Variants in ADAMTS13 observed in about 807,000 individuals in gnomAD.
ADAMTS13 encodes the protein A disintegrin and metalloproteinase with thrombospondin motifs 13.
Under a neutral mutation model 155.1 loss-of-function variants are expected in ADAMTS13, and 110 were observed. That is an observed-to-expected ratio of 0.71 (90% CI 0.61 to 0.83). The LOEUF is 0.83. Among genes scored for constraint, ADAMTS13 ranks in the 40% least tolerant of loss-of-function variants. ADAMTS13 has a pLI of 0.00. For synonymous variants in ADAMTS13, 758 were observed against 756.4 expected (o/e 1.00, Z -0.03); for missense variants, 1,707 against 1,891.7 (o/e 0.90, Z 1.81).
chr9:133,433,331 G>T (rs1554788032), intron 9 of ADAMTS13, 47 bp from the exon 10 acceptor site: 1 of 1,609,792 alleles, frequency 6.2e-7, no homozygotes. Flanking sequence ...GGAGTCCTGT[G>T]GTGGGGTCAC....
At chr9:133,431,966 AT>A (rs1840802544) in intron 8 of ADAMTS13, among the ~76,000 whole-genome samples, 1 of 151,962 alleles carries the variant, frequency 6.6e-6, no homozygotes, top group Admixed American at 6.6e-5. Flanking sequence ...TTTCCTTCTG[AT>A]TTTAAAAGAA....
intron 21 of ADAMTS13, among the ~76,000 whole-genome samples, chr9:133,447,057 G>A (rs1842111431): frequency 6.6e-6 from 1 of 152,134 alleles, no homozygotes; most frequent in Non-Finnish European, 1.5e-5. Flanking sequence ...GTTTCACCAT[G>A]TTGGCCAGGC....
In ADAMTS13 at chr9:133,445,477, T is replaced by C. The variant is rs1026082416; in HGVS notation, c.2611-222T>C. 6.6e-6 allele frequency among the ~76,000 whole-genome samples: 1 copy of C among 152,122 alleles called. No homozygotes were observed. The highest frequency in any genetic ancestry group is 2.4e-5 in the African/African-American group (1 of 41,440). ...CCCCAGCTCTCGGCCAGGCCCACAG[T>C]GAGCACTCATGCTGCTGAGGAGCCT... On this transcript the variant is annotated intron_variant, in intron 20 of 28. Transcript: ENST00000355699. This position sits in a 1 kb window ranked among gnomAD's most constrained non-coding sequence, Gnocchi z 5.0.
Position 133,459,031 on chromosome 9 carries a change from T to C in ADAMTS13, c.3967T>C (p.Trp1323Arg), listed in dbSNP as rs1361529166. 3.1e-6 allele frequency: 5 copies of C among 1,613,096 alleles called. No homozygotes were observed. Among genetic ancestry groups the C allele is most frequent in the Non-Finnish European group, 3.4e-6 (4 of 1,180,018 alleles). ...TAFHGQQVLY[W>R]ESESSQAEME... ...GTTCCATGGGCAGCAGGTGCTCTAC[T>C]GGGAGTCAGAGAGCAGCCAGGCTGA... Residue 1323 changes from tryptophan (W) to arginine (R), a missense_variant, in exon 29 of 29, where the codon TGG (tryptophan) becomes CGG (arginine). Transcript: ENST00000355699.
intron 23 of ADAMTS13, among the ~76,000 whole-genome samples, chr9:133,453,649 G>A (rs1842571972): frequency 1.3e-5 from 2 of 152,196 alleles, no homozygotes; most frequent in Non-Finnish European, 2.9e-5. Context: ...GTGACAGGGC[G>A]AGACCGTGTC....
chr9:133,456,046 C>T lies in ADAMTS13; in HGVS notation c.3401-23C>T. The T allele has an allele frequency of 6.2e-7, 1 of 1,613,126 alleles. No homozygotes were observed. Among genetic ancestry groups the T allele is most frequent in the Non-Finnish European group, 8.5e-7 (1 of 1,180,032 alleles). On this transcript the variant is annotated intron_variant, in intron 25 of 28. Coordinates refer to ENST00000355699, the MANE Select transcript of ADAMTS13 (RefSeq NM_139027.6). The surrounding 1 kb of genome is among the most constrained non-coding windows in gnomAD (Gnocchi z 4.4). Reference sequence around the variant, plus strand: ...CTGGGAATCGGGGAAGCACTGCTTACCTGTCTCCTGCTCCCTTTTCAGGTG... The same window carrying T: ...CTGGGAATCGGGGAAGCACTGCTTATCTGTCTCCTGCTCCCTTTTCAGGTG...
rs1644810196 is a variant in ADAMTS13, at chr9:133,443,253, T to C, written c.2235-123T>C. On this transcript the variant is annotated intron_variant, in intron 18 of 28. Coordinates refer to ENST00000355699, the MANE Select transcript of ADAMTS13 (RefSeq NM_139027.6). ...GCAGCCTGGGAACACCTGGAGAGGC[T>C]AGGCTGGCCGTAGTGCCCATTGCTT... 6 of 1,247,656 alleles carry C rather than the reference T, an allele frequency of 4.8e-6. No individual in the cohort carries two copies. In the Admixed American group the frequency reaches 1.2e-4, roughly 25 times the overall value. The allele number at this position is 1,247,656 out of a possible 1,614,324, so 77.3% of individuals were successfully genotyped here.
At chr9:133,431,911 T>C (rs1298281040) in intron 8 of ADAMTS13, among the ~76,000 whole-genome samples, 2 of 152,110 alleles carry the variant, frequency 1.3e-5, no homozygotes, top group African/African-American at 2.4e-5. Flanking sequence ...GCCTCGGCCT[T>C]CCAAATTGCT....
rs782323904 is a variant in ADAMTS13 at position 133,445,869 on chromosome 9, C to T, written c.2731+50C>T. ...GGGACCAGCACTCATGGTAACTCTC[C>T]TGTCCACTTGCATCTTGCCTCGTTC... On this transcript the variant is annotated intron_variant, in intron 21 of 28. Transcript: ENST00000355699. This position sits in a 1 kb window ranked among gnomAD's most constrained non-coding sequence, Gnocchi z 5.0. 1.9e-5 allele frequency: 29 copies of T among 1,519,782 alleles called. No individual in the cohort carries two copies. Among genetic ancestry groups the T allele is most frequent in the Non-Finnish European group, 2.4e-5 (27 of 1,132,678 alleles). 94.1% of individuals were successfully genotyped at this position (1,519,782 alleles called of 1,614,324 possible).
Position 133,456,468 on chromosome 9 carries a change from C to CT in ADAMTS13, c.3548-75_3548-74insT. On this transcript the variant is annotated intron_variant, in intron 26 of 28. Coordinates refer to ENST00000355699, the MANE Select transcript of ADAMTS13 (RefSeq NM_139027.6). This position sits in a 1 kb window ranked among gnomAD's most constrained non-coding sequence, Gnocchi z 4.4. ...GGAGAGGTGGGACTTGAACTCGGCT[C>CT]AGTCTACCCTGGAGCCACTCCTCTG... 1 of 1,562,970 alleles carries CT rather than the reference C, an allele frequency of 6.4e-7. No individual in the cohort carries two copies. Among genetic ancestry groups the CT allele is most frequent in the Non-Finnish European group, 8.7e-7 (1 of 1,148,966 alleles).
At chr9:133,422,594 G>C (rs782712278) in intron 1 of ADAMTS13, 46 bp downstream of exon 1, 1 of 1,601,032 alleles carries the variant, frequency 6.2e-7, no homozygotes. Flanking sequence ...GCCTCTGGGT[G>C]GGGTATTCTG....
chr9:133,424,172 A>T lies in ADAMTS13; in HGVS notation c.173-149A>T. On this transcript the variant is annotated intron_variant, in intron 2 of 28. Transcript: ENST00000355699. The surrounding 1 kb of genome is among the most constrained non-coding windows in gnomAD (Gnocchi z 4.3). ...CCTGCCCTTTGCGTGCCTAGTCACTAATGGGGTCTGGCTCTTGGGGTGGGG... is the reference window on the plus strand; with the variant it reads ...CCTGCCCTTTGCGTGCCTAGTCACTTATGGGGTCTGGCTCTTGGGGTGGGG... 1 of 1,275,238 alleles carries T rather than the reference A, an allele frequency of 7.8e-7. No individual in the cohort carries two copies. The highest frequency in any genetic ancestry group is 1.1e-6 in the Non-Finnish European group (1 of 892,648). 79.0% of individuals were successfully genotyped at this position (1,275,238 alleles called of 1,614,324 possible). A position where few individuals can be genotyped will look rare whatever the true frequency, so the allele number is the denominator to read the frequency against.
upstream of ADAMTS13, chr9:133,417,704 C>T (rs1554781971): frequency 1.2e-6 from 2 of 1,614,160 alleles, no homozygotes; most frequent in East Asian, 2.2e-5. Flanking sequence ...TTGCTGGCTT[C>T]TTGCTTACTT....
At chr9:133,443,608 G>C (rs1356775168) in intron 19 of ADAMTS13, 47 bp downstream of exon 19, 15 of 1,496,712 alleles carry the variant, frequency 1.0e-5, no homozygotes, top group Non-Finnish European at 1.2e-5. Context: ...TCCTGGCAGA[G>C]CTCGTCCCTG....
intron 16 of ADAMTS13, among the ~76,000 whole-genome samples, 176 bp from the exon 17 acceptor site, chr9:133,442,223 A>G (rs921953908): frequency 1.3e-5 from 2 of 152,104 alleles, no homozygotes; most frequent in African/African-American, 4.8e-5. Flanking sequence ...TGCCTGCCTC[A>G]GGCTCCCAAA....
chr9:133,451,365 C>T (rs1027498125), intron 23 of ADAMTS13, among the ~76,000 whole-genome samples: 2 of 152,154 alleles, frequency 1.3e-5, no homozygotes, highest in Non-Finnish European at 2.9e-5. Context: ...TCAAGCCATT[C>T]TCCTGTCTCA....
chr9:133,453,592 G>T (rs1842569881), intron 23 of ADAMTS13, among the ~76,000 whole-genome samples: 1 of 152,116 alleles, frequency 6.6e-6, no homozygotes, highest in African/African-American at 2.4e-5. Context: ...AACCCTGGAG[G>T]TTGAGGCTGC....
intron 19 of ADAMTS13, among the ~76,000 whole-genome samples, chr9:133,444,185 A>G (rs1373309313): frequency 6.6e-6 from 1 of 152,064 alleles, no homozygotes; most frequent in Non-Finnish European, 1.5e-5. Flanking sequence ...CCAGGCAGCC[A>G]CTTTAGCGCA....
At position 133,439,593 on chromosome 9, in the gene ADAMTS13, T is replaced by C. The variant is rs1554790116; in HGVS notation, c.1786+147T>C. 3.2e-5 allele frequency: 24 copies of C among 746,150 alleles called. No individual in the cohort carries two copies. The East Asian group carries it at 6.2e-4, about 19-fold the overall frequency. 46.2% of individuals were successfully genotyped at this position (746,150 alleles called of 1,614,324 possible). A position where few individuals can be genotyped will look rare whatever the true frequency, so the allele number is the denominator to read the frequency against. On this transcript the variant is annotated intron_variant, in intron 15 of 28. Coordinates refer to ENST00000355699, the MANE Select transcript of ADAMTS13 (RefSeq NM_139027.6). The stretch of plus-strand genomic sequence containing the variant: ...AGGCTTGATAGTTGACTAGGAAGAC[T>C]CCCAGAGCTCACTGAGAGCTGTGGC...
Sources: allele counts gnomAD v4.1 joint callset (sites outside exome capture counted in the v4.1 genomes callset), GRCh38; gene constraint gnomAD v4.1.1; non-coding constraint Gnocchi (gnomAD v3.1); transcripts MANE v1.5; gene names NCBI Gene and HGNC (gene_info 2026-07-23, HGNC 2026-07-21).